Variants in PRDM4 observed in about 807,000 individuals in gnomAD.
PRDM4 encodes PR domain zinc finger protein 4.
Under a neutral mutation model 62.3 loss-of-function variants are expected in PRDM4, and 38 were observed. That is an observed-to-expected ratio of 0.61 (90% confidence interval 0.47 to 0.80). PRDM4 has a LOEUF of 0.80. PRDM4 is among the 30% of genes least tolerant of loss of function. The probability of loss-of-function intolerance (pLI) is 0.00; values close to 1 mark genes in which losing one functional copy is unlikely to be tolerated. For missense variants in PRDM4, 858 were observed against 997.1 expected, an observed-to-expected ratio of 0.86 and a Z score of 1.88; for synonymous variants, 339 against 348.2, an observed-to-expected ratio of 0.97 and a Z score of 0.30.
At chr12:107,752,306 C>T in intron 4 of PRDM4, 97 bp from the exon 5 acceptor site, 1 of 839,964 alleles carries the variant, frequency 1.2e-6, no homozygotes, top group Non-Finnish European at 1.9e-6. Flanking sequence ...TAACTAAGTT[C>T]AAATAATCTC....
intron 5 of PRDM4, among the ~76,000 whole-genome samples, chr12:107,747,888 C>T (rs755558482): frequency 4.4e-4 from 67 of 152,046 alleles, no homozygotes; most frequent in Non-Finnish European, 5.3e-4. Flanking sequence ...GTAGCTGGGA[C>T]CACAGGCATG....
At chr12:107,755,649 CAAAG>C (rs780191869) in intron 3 of PRDM4, among the ~76,000 whole-genome samples, 6 of 152,258 alleles carry the variant, frequency 3.9e-5, no homozygotes, top group East Asian at 3.9e-4. Context: ...CCTACTGTGA[CAAAG>C]AAAGTCCAAT....
In PRDM4 at chr12:107,733,553, CT is replaced by C. The variant is rs1890234725; in HGVS notation, c.*656del. 6.6e-6 allele frequency: 1 copy of C among 152,342 alleles called. No homozygotes were observed. The highest frequency in any genetic ancestry group is 2.1e-4 in the South Asian group (1 of 4,838). 9.4% of individuals were successfully genotyped at this position (152,342 alleles called of 1,614,324 possible). On this transcript the variant is annotated 3_prime_UTR_variant, in exon 12 of 12. Transcript: ENST00000228437. ...AATTTCTTGGGCAGAGGCCAGGCATCTCTCCTCTTGTTCTCTCCATCACTGA... is the reference window on the plus strand; with the variant it reads ...AATTTCTTGGGCAGAGGCCAGGCATCCTCCTCTTGTTCTCTCCATCACTGA...
In PRDM4 at chr12:107,750,567, T is replaced by C. The variant is rs557773051; in HGVS notation, c.1126+848A>G. Among the ~76,000 whole-genome samples, 3 of 152,288 alleles carry C rather than the reference T, an allele frequency of 2.0e-5. No individual in the cohort carries two copies. The East Asian group carries it at 5.8e-4, about 29-fold the overall frequency. ...TAAATTAAAATAAGCACTCAACATG[T>C]TTCCTGCATGAATGAAACACAGTGA... On this transcript the variant is annotated intron_variant, in intron 5 of 11. Coordinates refer to ENST00000228437, the MANE Select transcript of PRDM4 (RefSeq NM_012406.4).
chr12:107,738,849 ATTTTT>A (rs34195920), intron 11 of PRDM4, among the ~76,000 whole-genome samples: 1 of 148,270 alleles, frequency 6.7e-6, no homozygotes, highest in Non-Finnish European at 1.5e-5. Context: ...TAAGATAACA[ATTTTT>A]TTTTTTTAAC....
intron 11 of PRDM4, among the ~76,000 whole-genome samples, chr12:107,737,410 C>T (rs796972851): frequency 4.6e-5 from 7 of 152,302 alleles, no homozygotes; most frequent in African/African-American, 1.7e-4. Flanking sequence ...CTTATACCAG[C>T]TTTAAGTTTT....
At chr12:107,745,938 T>C (rs899380845) in intron 6 of PRDM4, among the ~76,000 whole-genome samples, 13 of 152,234 alleles carry the variant, frequency 8.5e-5, no homozygotes, top group African/African-American at 3.1e-4. Flanking sequence ...TCCATGTTTC[T>C]ATAAAAGAAA....
chr12:107,735,704 A>T (rs1363378286), intron 11 of PRDM4, among the ~76,000 whole-genome samples: 2 of 151,974 alleles, frequency 1.3e-5, no homozygotes, highest in Non-Finnish European at 2.9e-5. Flanking sequence ...ACCCTGGCCT[A>T]GACATTTCAG....
chr12:107,736,318 T>C (rs1480147025), intron 11 of PRDM4, among the ~76,000 whole-genome samples: 5 of 152,168 alleles, frequency 3.3e-5, no homozygotes, highest in African/African-American at 9.7e-5. Context: ...GAAGGGGTCC[T>C]ATTTTAGATA....
chr12:107,739,437 T>C lies in PRDM4; in HGVS notation c.2039A>G (p.Asp680Gly), dbSNP rs1344697047. Residue 680 changes from aspartate (D) to glycine (G), a missense_variant, in exon 11 of 12, where the codon GAC (aspartate) becomes GGC (glycine). Transcript: ENST00000228437. ...GTCCTGCCTCCGCATAAACAACTTG[T>C]CACAGTAATCACACTTAAGATTCTT... ...GEKNLKCDYC[D>G]KLFMRRQDLK... The C allele has an allele frequency of 6.2e-7, 1 of 1,613,944 alleles. No homozygotes were observed.
Position 107,734,533 on chromosome 12 carries a change from C to A in PRDM4, c.2094-11G>T, listed in dbSNP as rs777242739. The A allele has an allele frequency of 1.4e-5, 22 of 1,595,632 alleles. No individual in the cohort carries two copies. Among genetic ancestry groups the A allele is most frequent in the Admixed American group, 1.1e-4 (6 of 56,596 alleles). On this transcript the variant is annotated splice_polypyrimidine_tract_variant and intron_variant, in intron 11 of 11. Coordinates refer to ENST00000228437, the MANE Select transcript of PRDM4 (RefSeq NM_012406.4). Reference sequence around the variant, plus strand: ...TTGATCTGGCGTTCTCTAAGAGGAACACAAGAAAAAACATTTGATTTGGGG... The same window carrying A: ...TTGATCTGGCGTTCTCTAAGAGGAAAACAAGAAAAAACATTTGATTTGGGG...
rs1890262471 is a variant in PRDM4, at chr12:107,734,376, C to G, written c.2240G>C (p.Arg747Pro). ...KAYLTKYHLT[R>P]HLKTCKGPTS... Reference sequence around the variant, plus strand: ...GGGCCCTTTGCAGGTTTTCAGGTGGCGGGTGAGATGGTATTTGGTTAGATA... The same window carrying G: ...GGGCCCTTTGCAGGTTTTCAGGTGGGGGGTGAGATGGTATTTGGTTAGATA... Residue 747 changes from arginine to proline, a missense_variant, in exon 12 of 12, where the codon CGC becomes CCC. By Grantham distance (103) the Arg-to-Pro change is moderately radical (BLOSUM62 -2). This residue lies in a region of PRDM4 where 355 missense variants were observed against 432.6 expected (regional missense o/e 0.82). Transcript: ENST00000228437. 6.2e-7 allele frequency: 1 copy of G among 1,613,962 alleles called. No homozygotes were observed. The highest frequency in any genetic ancestry group is 1.1e-5 in the South Asian group (1 of 91,082).
At chr12:107,740,470 G>C (rs1328381242) in intron 10 of PRDM4, among the ~76,000 whole-genome samples, 1 of 151,952 alleles carries the variant, frequency 6.6e-6, no homozygotes, top group South Asian at 2.1e-4. Flanking sequence ...CTGGGCAACA[G>C]AGTGAGGCCC....
intron 11 of PRDM4, among the ~76,000 whole-genome samples, chr12:107,738,670 A>T (rs765126153): frequency 9.2e-5 from 14 of 152,200 alleles, no homozygotes; most frequent in Non-Finnish European, 1.5e-4. Context: ...TTGGTCTTCC[A>T]ATATTTAGGC....
At chr12:107,742,115 G>C in intron 9 of PRDM4, 106 bp downstream of exon 9, 1 of 1,222,166 alleles carries the variant, frequency 8.2e-7, no homozygotes, top group South Asian at 1.6e-5. Context: ...TACAAACAAA[G>C]GTATATGATT....
In PRDM4 at chr12:107,733,413, G is replaced by C. The variant is rs1189266609; in HGVS notation, c.*797C>G. On this transcript the variant is annotated 3_prime_UTR_variant, in exon 12 of 12. Transcript: ENST00000228437. ...ATTATTTGGGCTCTCTGTATCTCCA[G>C]GCCCCCTTTGTCTGAATGGCTGGAT... is the stretch of plus-strand genomic sequence containing the variant. 6.6e-6 allele frequency: 1 copy of C among 152,152 alleles called. No individual in the cohort carries two copies. Among genetic ancestry groups the C allele is most frequent in the Non-Finnish European group, 1.5e-5 (1 of 68,074 alleles). 9.4% of individuals were successfully genotyped at this position (152,152 alleles called of 1,614,324 possible). A position where few individuals can be genotyped will look rare whatever the true frequency, so the allele number is the denominator to read the frequency against.
rs1890705421 is a variant in PRDM4 at position 107,746,359 on chromosome 12, G to A, written c.1192C>T (p.Pro398Ser). The change falls in exon 6 of 12, where the codon CCT (proline) becomes TCT (serine). Residue 398 changes from proline to serine, a missense_variant. This residue lies in a region of PRDM4 where 499 missense variants were observed against 546.7 expected (regional missense o/e 0.91). Coordinates refer to ENST00000228437, the MANE Select transcript of PRDM4 (RefSeq NM_012406.4). Reference protein sequence around the residue: ...CPEHGPVTFVPDTPIESRARL... With the variant: ...CPEHGPVTFVSDTPIESRARL... The stretch of plus-strand genomic sequence containing the variant: ...GCTCTGCTCTCTATTGGAGTGTCAG[G>A]AACAAAAGTCACTGGTCCATGTTCG... The A allele has an allele frequency of 1.9e-6, 3 of 1,613,788 alleles. No homozygotes were observed. The highest frequency in any genetic ancestry group is 2.5e-6 in the Non-Finnish European group (3 of 1,179,844).
rs1890911397 is a variant in PRDM4, at chr12:107,752,008, A to G, written c.533T>C (p.Leu178Pro). 3.8e-5 allele frequency: 61 copies of G among 1,614,220 alleles called. No individual in the cohort carries two copies. Among genetic ancestry groups the G allele is most frequent in the Non-Finnish European group, 5.2e-5 (61 of 1,180,026 alleles). Residue 178 changes from leucine to proline, a missense_variant, in exon 5 of 12, where the codon CTT (leucine) becomes CCT (proline). By Grantham distance (98) the Leu-to-Pro change is moderately conservative (BLOSUM62 -3). Transcript: ENST00000228437. ...RSVNTHGAQS[L>P]HPSDGHEVAL... ...CACCTCATGGCCATCACTGGGATGA[A>G]GACTTTGGGCACCATGTGTGTTCAC... is the stretch of plus-strand genomic sequence containing the variant.
chr12:107,750,338 T>C (rs1202335150), intron 5 of PRDM4, among the ~76,000 whole-genome samples: 4 of 151,740 alleles, frequency 2.6e-5, no homozygotes, highest in South Asian at 4.2e-4. Context: ...TTGAGTCGAG[T>C]TCAAGACCAG....
Sources: gnomAD v4.1 joint callset for allele counts (sites outside exome capture counted in the v4.1 genomes callset) on GRCh38, gnomAD v4.1.1 for gene constraint, gnomAD v4.1.1 regional missense constraint, MANE v1.5 for transcripts, NCBI Gene and HGNC (gene_info 2026-07-23, HGNC 2026-07-21) for gene names.